RAD51B: variants seen among roughly 807,000 people sequenced by gnomAD.
RAD51B encodes the protein RAD51 paralog B, also known as DNA repair protein RAD51 homolog 2.
Under a neutral mutation model 42.2 loss-of-function variants are expected in RAD51B, and 38 were observed. The observed-to-expected ratio is 0.90, with a 90% CI of 0.70 to 1.18. The LOEUF (loss-of-function observed/expected upper bound fraction) is 1.18, where lower values mean the gene tolerates loss of function less well. RAD51B is among the 50% of genes most tolerant of loss of function. The pLI, the probability that RAD51B is intolerant of heterozygous loss-of-function variation, is 0.00. For synonymous variants in RAD51B, 154 were observed against 145.2 expected (o/e 1.06, Z -0.43); for missense variants, 373 against 400.7 (o/e 0.93, Z 0.59).
intron 10 of RAD51B, among the ~76,000 whole-genome samples, chr14:68,471,641 C>T (rs374971283): frequency 6.7e-6 from 1 of 149,034 alleles, no homozygotes; most frequent in Non-Finnish European, 1.5e-5. Flanking sequence ...TTGAAGGAGC[C>T]GGTCCATGCT....
chr14:68,531,664 C>G, intron 10 of RAD51B, among the ~76,000 whole-genome samples: 1 of 152,066 alleles, frequency 6.6e-6, no homozygotes, highest in East Asian at 1.9e-4. Flanking sequence ...TTATTAAAAA[C>G]ATAAAAGATA....
chr14:68,244,651 A>G (rs752701812), intron 7 of RAD51B, among the ~76,000 whole-genome samples: 1 of 152,226 alleles, frequency 6.6e-6, no homozygotes, highest in Non-Finnish European at 1.5e-5. Flanking sequence ...TAGTCTTGGC[A>G]TCAGTATTGG....
At chr14:68,345,750 C>G (rs1427869247) in intron 8 of RAD51B, among the ~76,000 whole-genome samples, 7 of 152,080 alleles carry the variant, frequency 4.6e-5, no homozygotes, top group Admixed American at 4.6e-4. Flanking sequence ...CCTCCACCTC[C>G]TGGGTTCAAG....
chr14:68,018,955 C>T (rs920848581), intron 7 of RAD51B, among the ~76,000 whole-genome samples: 1 of 151,914 alleles, frequency 6.6e-6, no homozygotes, highest in Non-Finnish European at 1.5e-5. Flanking sequence ...TATAATAATC[C>T]CTAGCTTGTG....
intron 8 of RAD51B, among the ~76,000 whole-genome samples, chr14:68,357,915 G>T (rs1443725590): frequency 6.6e-6 from 1 of 152,150 alleles, no homozygotes; most frequent in Non-Finnish European, 1.5e-5. Context: ...TGAGAGATAT[G>T]TGACTCTTCC....
chr14:67,863,520 A>G (rs2139985163), intron 4 of RAD51B, among the ~76,000 whole-genome samples: 1 of 152,210 alleles, frequency 6.6e-6, no homozygotes, highest in East Asian at 1.9e-4. Context: ...AATCACTCCT[A>G]CTTATTTCTT....
chr14:68,422,007 C>A, intron 9 of RAD51B: 1 of 1,524,926 alleles, frequency 6.6e-7, no homozygotes, highest in South Asian at 1.1e-5. Context: ...CAGTCACCAC[C>A]CTGACACATA....
At chr14:68,092,556 T>C (rs2140521914) in intron 7 of RAD51B, among the ~76,000 whole-genome samples, 1 of 152,358 alleles carries the variant, frequency 6.6e-6, no homozygotes, top group Non-Finnish European at 1.5e-5. Flanking sequence ...TTTTGTATCC[T>C]GAGACTTTGC....
intron 7 of RAD51B, among the ~76,000 whole-genome samples, chr14:67,913,087 C>A (rs746209479): frequency 9.9e-5 from 15 of 152,162 alleles, no homozygotes; most frequent in Non-Finnish European, 1.8e-4. Flanking sequence ...AGATTTAAAT[C>A]TTTGACTGTT....
chr14:67,920,988 T>C (rs1012583720), intron 7 of RAD51B, among the ~76,000 whole-genome samples: 1 of 152,148 alleles, frequency 6.6e-6, no homozygotes, highest in Non-Finnish European at 1.5e-5. Context: ...CATAGAGTAA[T>C]GGGGAAGACC....
At chr14:67,887,304 A>T (rs1376125633) in intron 7 of RAD51B, 100 bp downstream of exon 7, 5 of 1,075,174 alleles carry the variant, frequency 4.7e-6, no homozygotes, top group Non-Finnish European at 6.6e-6. Context: ...TTAGAGGAAA[A>T]TGTAAAACAG....
chr14:67,874,648 A>G (rs547516398), intron 5 of RAD51B, among the ~76,000 whole-genome samples: 68 of 152,172 alleles, frequency 4.5e-4, no homozygotes, highest in African/African-American at 1.5e-3. Flanking sequence ...ATTGATCCAG[A>G]GAAGATCTGC....
At chr14:67,888,151 A>G (rs184024749) in intron 7 of RAD51B, among the ~76,000 whole-genome samples, 2 of 152,312 alleles carry the variant, frequency 1.3e-5, no homozygotes, top group East Asian at 3.9e-4. Flanking sequence ...GGGAGAAAAT[A>G]TGACATTCAA....
At chr14:67,893,614 T>A (rs943186144) in intron 7 of RAD51B, among the ~76,000 whole-genome samples, 1 of 151,690 alleles carries the variant, frequency 6.6e-6, no homozygotes, top group Admixed American at 6.6e-5. Context: ...AAGGCTGCAA[T>A]GAGCTATGAA....
chr14:68,270,707 A>G (rs2081087926), intron 7 of RAD51B, among the ~76,000 whole-genome samples: 1 of 152,216 alleles, frequency 6.6e-6, no homozygotes, highest in African/African-American at 2.4e-5. Context: ...CTAATTCTTG[A>G]TAGGTAAAAT....
intron 7 of RAD51B, among the ~76,000 whole-genome samples, chr14:67,979,445 G>A (rs941599532): frequency 1.3e-5 from 2 of 152,086 alleles, no homozygotes; most frequent in African/African-American, 2.4e-5. Flanking sequence ...GTGGCTTATA[G>A]CAATAGTTTT....
At chr14:68,321,826 C>T (rs2082162789) in intron 8 of RAD51B, among the ~76,000 whole-genome samples, 1 of 152,170 alleles carries the variant, frequency 6.6e-6, no homozygotes, top group African/African-American at 2.4e-5. Flanking sequence ...TCATGGCTCA[C>T]TGCAGCCTCA....
intron 9 of RAD51B, chr14:68,422,043 A>G (rs747316330): frequency 2.3e-5 from 35 of 1,536,726 alleles, no homozygotes; most frequent in Non-Finnish European, 3.1e-5. Context: ...CTGTGAAAGC[A>G]GGAAACCTTA....
intron 7 of RAD51B, among the ~76,000 whole-genome samples, chr14:68,041,244 A>T (rs1255320249): frequency 1.3e-5 from 2 of 152,120 alleles, no homozygotes; most frequent in Non-Finnish European, 2.9e-5. Flanking sequence ...TTCCTCAGCC[A>T]TGCTTCCTTA....
Sources: gnomAD v4.1 joint callset for allele counts (sites outside exome capture counted in the v4.1 genomes callset) on GRCh38, gnomAD v4.1.1 for gene constraint, MANE v1.5 for transcripts, NCBI Gene and HGNC (gene_info 2026-07-23, HGNC 2026-07-21) for gene names.